Variants in VCL observed in about 807,000 individuals in gnomAD.
VCL encodes the protein vinculin, also known as epididymis luminal protein 114.
VCL carries 47 observed loss-of-function variants against 125.7 expected under a neutral mutation model. That is an observed-to-expected ratio of 0.37 (90% CI 0.30 to 0.48). The LOEUF is 0.48. VCL is among the 20% of genes least tolerant of loss of function. VCL has a pLI of 0.99. For synonymous variants in VCL, 458 were observed against 514.6 expected (o/e 0.89, Z 1.49); for missense variants, 1,069 against 1,455.5 (o/e 0.73, Z 4.32).
intron 8 of VCL, among the ~76,000 whole-genome samples, chr10:74,088,046 A>G (rs11596526): frequency 0.17 from 26,583 of 152,238 alleles, 2,464 homozygotes; most frequent in East Asian, 0.22. Flanking sequence ...TGAATGACAG[A>G]TCAATACTAT....
At chr10:74,031,508 A>C (rs899822255) in intron 1 of VCL, among the ~76,000 whole-genome samples, 2 of 152,346 alleles carry the variant, frequency 1.3e-5, no homozygotes, top group South Asian at 4.1e-4. Flanking sequence ...AATTCTTAGA[A>C]TAAAACATGG....
intron 1 of VCL, among the ~76,000 whole-genome samples, chr10:74,002,590 A>G (rs1840246898): frequency 1.3e-5 from 2 of 151,570 alleles, no homozygotes; most frequent in Admixed American, 1.3e-4. Flanking sequence ...TGTGGTAAGA[A>G]AGGTATTACT....
At chr10:74,115,038 G>A in intron 21 of VCL, 139 bp downstream of exon 21, 1 of 891,626 alleles carries the variant, frequency 1.1e-6, no homozygotes, top group Non-Finnish European at 1.8e-6. Context: ...ACTGTCTCAG[G>A]AGGGGAAAGT....
chr10:74,074,889 G>C lies in VCL; in HGVS notation c.769G>C (p.Ala257Pro). Residue 257 changes from alanine (A) to proline (P), a missense_variant, in exon 6 of 22, where the codon GCC becomes CCC. Ala to Pro is a conservative substitution (Grantham distance 27). This residue lies in a region of VCL where 760 missense variants were observed against 928.9 expected (regional missense o/e 0.82). Coordinates refer to ENST00000211998, the MANE Select transcript of VCL (RefSeq NM_014000.3). ...ACAACTCACCTCTTGGGATGAAGATGCCTGGGCCAGCAAGGTACGTGTTCT... is the reference window on the plus strand; with the variant it reads ...ACAACTCACCTCTTGGGATGAAGATCCCTGGGCCAGCAAGGTACGTGTTCT... ...VLQLTSWDEDAWASKDTEAMK... is the reference protein window; with the variant it reads ...VLQLTSWDEDPWASKDTEAMK... 1 of 1,614,154 alleles carries C rather than the reference G, an allele frequency of 6.2e-7. No homozygotes were observed. The highest frequency in any genetic ancestry group is 8.5e-7 in the Non-Finnish European group (1 of 1,180,020).
At chr10:74,039,624 T>TAA (rs927758354) in intron 1 of VCL, among the ~76,000 whole-genome samples, 1 of 143,370 alleles carries the variant, frequency 7.0e-6, no homozygotes, top group East Asian at 2.0e-4. Context: ...CTCTACAAAA[T>TAA]AAAAAAAAAA....
intron 2 of VCL, among the ~76,000 whole-genome samples, chr10:74,043,648 A>G (rs1474021747): frequency 6.6e-6 from 1 of 151,964 alleles, no homozygotes; most frequent in Non-Finnish European, 1.5e-5. Context: ...TACCTGGCCA[A>G]TTTTTGACAT....
At chr10:74,102,351 CTG>C (rs1233707445) in intron 14 of VCL, among the ~76,000 whole-genome samples, 1 of 151,628 alleles carries the variant, frequency 6.6e-6, no homozygotes, top group Non-Finnish European at 1.5e-5. Context: ...AAAAACCAAA[CTG>C]TACAGTTATT....
intron 18 of VCL, among the ~76,000 whole-genome samples, chr10:74,110,372 C>A (rs966456478): frequency 5.3e-5 from 8 of 152,212 alleles, no homozygotes; most frequent in African/African-American, 9.7e-5. Flanking sequence ...CCCCACTCTG[C>A]CATTTGTGGC....
chr10:74,107,122 G>A, intron 16 of VCL, 108 bp from the exon 17 acceptor site: 1 of 1,577,118 alleles, frequency 6.3e-7, no homozygotes, highest in Non-Finnish European at 8.7e-7. Context: ...GATATTTACT[G>A]GCAGCTTCAC....
intron 2 of VCL, among the ~76,000 whole-genome samples, chr10:74,068,072 G>A (rs77497704): frequency 0.019 from 2,822 of 152,322 alleles, 40 homozygotes; most frequent in South Asian, 0.033. Context: ...TTGAATTGGT[G>A]AGAAGGTAAG....
chr10:74,029,183 G>T (rs376072508), intron 1 of VCL, among the ~76,000 whole-genome samples: 2 of 150,514 alleles, frequency 1.3e-5, no homozygotes, highest in African/African-American at 4.9e-5. Flanking sequence ...GCGTGATCTC[G>T]GCTCACTGCA....
At chr10:74,108,947 T>C (rs1237349839) in intron 17 of VCL, 24 bp from the exon 18 acceptor site, 5 of 1,613,888 alleles carry the variant, frequency 3.1e-6, no homozygotes, top group Non-Finnish European at 3.4e-6. Flanking sequence ...GGACTTTACT[T>C]ACAACTTGTT....
intron 2 of VCL, among the ~76,000 whole-genome samples, chr10:74,065,703 A>G (rs1263057796): frequency 6.6e-6 from 1 of 152,014 alleles, no homozygotes; most frequent in Non-Finnish European, 1.5e-5. Flanking sequence ...AAAGAAAAAA[A>G]AAGCAAGTTA....
At chr10:74,022,417 G>T (rs1405542114) in intron 1 of VCL, among the ~76,000 whole-genome samples, 2 of 151,522 alleles carry the variant, frequency 1.3e-5, no homozygotes, top group African/African-American at 2.4e-5. Flanking sequence ...ATGATGGCAC[G>T]CACCTGTAGT....
At chr10:74,104,072 C>A in intron 15 of VCL, 144 bp downstream of exon 15, 1 of 810,966 alleles carries the variant, frequency 1.2e-6, no homozygotes, top group Non-Finnish European at 2.0e-6. Flanking sequence ...CTGCTTAAGG[C>A]TGCTGAGCAG....
chr10:74,058,627 A>G (rs933155619), intron 2 of VCL, among the ~76,000 whole-genome samples: 3 of 151,692 alleles, frequency 2.0e-5, no homozygotes, highest in Non-Finnish European at 4.4e-5. Flanking sequence ...TTGAACGTGA[A>G]TGTTTTCAAG....
At chr10:74,090,230 T>C in intron 10 of VCL, 32 bp downstream of exon 10, 1 of 1,611,358 alleles carries the variant, frequency 6.2e-7, no homozygotes, top group Non-Finnish European at 8.5e-7. Flanking sequence ...TGCCTTTTCA[T>C]ATCTTTTCTT....
intron 1 of VCL, among the ~76,000 whole-genome samples, chr10:74,011,645 A>G (rs1411006723): frequency 1.3e-5 from 2 of 152,308 alleles, no homozygotes; most frequent in Non-Finnish European, 2.9e-5. Flanking sequence ...CTCCACTGGA[A>G]GGCATGATGT....
intron 1 of VCL, among the ~76,000 whole-genome samples, chr10:74,002,952 T>G (rs1400674558): frequency 6.6e-6 from 1 of 151,192 alleles, no homozygotes; most frequent in Non-Finnish European, 1.5e-5. Context: ...TGTAATTTCA[T>G]GTATATTTGC....
Sources: allele counts gnomAD v4.1 joint callset (sites outside exome capture counted in the v4.1 genomes callset), GRCh38; gene constraint gnomAD v4.1.1; regional missense constraint gnomAD v4.1.1; transcripts MANE v1.5; gene names NCBI Gene and HGNC (gene_info 2026-07-23, HGNC 2026-07-21).